The following PPARGC1A variants were observed in gnomAD, a reference collection of about 807,000 sequenced individuals.
PPARGC1A encodes the protein peroxisome proliferator-activated receptor gamma coactivator 1-alpha.
Under a neutral mutation model 88.7 loss-of-function variants are expected in PPARGC1A, and 25 were observed. That is an observed-to-expected ratio of 0.28 (90% CI 0.21 to 0.39). PPARGC1A has a LOEUF of 0.39. Among genes scored for constraint, PPARGC1A ranks in the 10% least tolerant of loss-of-function variants. The probability of loss-of-function intolerance (pLI) is 1.00; values close to 1 mark genes in which losing one functional copy is unlikely to be tolerated. For missense variants in PPARGC1A, 880 were observed against 968.7 expected (o/e 0.91, Z 1.22); for synonymous variants, 363 against 355.6 (o/e 1.02, Z -0.24).
intron 2 of PPARGC1A, among the ~76,000 whole-genome samples, chr4:23,833,405 A>C (rs1725405317): frequency 6.6e-6 from 1 of 152,346 alleles, no homozygotes; most frequent in Admixed American, 6.5e-5. Flanking sequence ...ACCTGCTTCC[A>C]AAATCTTCTT....
the PPARGC1A span, among the ~76,000 whole-genome samples, chr4:24,360,334 C>A: frequency 6.6e-6 from 1 of 152,152 alleles, no homozygotes; most frequent in South Asian, 2.1e-4. Context: ...CACACTATGG[C>A]TACTTTCCCT....
Position 23,802,478 on chromosome 4 carries a change from T to C in PPARGC1A, c.2020-133A>G, listed in dbSNP as rs1187116750. ...GTGGATCATGAGGTCAGGAGTTCAA[T>C]ACCAGCCTGGGCAAGATGGTGAAAC... On this transcript the variant is annotated intron_variant, in intron 10 of 12. Coordinates refer to ENST00000264867, the MANE Select transcript of PPARGC1A (RefSeq NM_013261.5). 4 of 1,110,896 alleles carry C rather than the reference T, an allele frequency of 3.6e-6. No individual in the cohort carries two copies. In the African/African-American group the frequency reaches 6.3e-5, roughly 18 times the overall value. 68.8% of individuals were successfully genotyped at this position (1,110,896 alleles called of 1,614,324 possible). A position where few individuals can be genotyped will look rare whatever the true frequency, so the allele number is the denominator to read the frequency against.
the PPARGC1A span, among the ~76,000 whole-genome samples, chr4:24,298,327 A>G: frequency 6.6e-6 from 1 of 152,176 alleles, no homozygotes; most frequent in South Asian, 2.1e-4. Context: ...TGGATCTGAC[A>G]CTTATTACTA....
intron 1 of PPARGC1A, among the ~76,000 whole-genome samples, chr4:23,896,014 T>C (rs950894289): frequency 2.7e-5 from 4 of 150,720 alleles, no homozygotes; most frequent in Non-Finnish European, 5.9e-5. Context: ...TTATATTTAA[T>C]ATTATCATTA....
the PPARGC1A span, among the ~76,000 whole-genome samples, chr4:24,307,998 G>C: frequency 2.6e-5 from 4 of 152,094 alleles, no homozygotes; most frequent in African/African-American, 9.7e-5. Context: ...GTTTTAAAAA[G>C]AAATCAGATC....
chr4:23,939,021 G>A, the PPARGC1A span, among the ~76,000 whole-genome samples: 1 of 152,168 alleles, frequency 6.6e-6, no homozygotes, highest in Non-Finnish European at 1.5e-5. Context: ...GGGGTCCATG[G>A]TGATGACTGC....
chr4:24,141,451 T>C, the PPARGC1A span, among the ~76,000 whole-genome samples: 2 of 152,128 alleles, frequency 1.3e-5, no homozygotes, highest in African/African-American at 4.8e-5. Flanking sequence ...AGATCTGGGG[T>C]TTATTAACCA....
At chr4:23,887,734 C>A (rs1375006607) in intron 1 of PPARGC1A, among the ~76,000 whole-genome samples, 1 of 151,622 alleles carries the variant, frequency 6.6e-6, no homozygotes, top group Non-Finnish European at 1.5e-5. Flanking sequence ...GTTTTTGTGC[C>A]ATTGATGGTA....
chr4:24,268,507 T>C, the PPARGC1A span, among the ~76,000 whole-genome samples: 3 of 152,338 alleles, frequency 2.0e-5, no homozygotes, highest in African/African-American at 7.2e-5. Flanking sequence ...TGCTCTTATA[T>C]TGGGCACAGA....
At chr4:24,025,097 G>A in the PPARGC1A span, among the ~76,000 whole-genome samples, 1 of 152,096 alleles carries the variant, frequency 6.6e-6, no homozygotes, top group African/African-American at 2.4e-5. Flanking sequence ...TTCTAAACTG[G>A]GAATTTCCTT....
At chr4:23,815,007 G>A (rs768764781) in intron 7 of PPARGC1A, among the ~76,000 whole-genome samples, 35 of 152,066 alleles carry the variant, frequency 2.3e-4, no homozygotes, top group Non-Finnish European at 1.0e-4. Flanking sequence ...GAGGAATCAC[G>A]GAATAGCCTT....
the PPARGC1A span, among the ~76,000 whole-genome samples, chr4:24,209,313 AAGG>A: frequency 6.6e-6 from 1 of 152,208 alleles, no homozygotes; most frequent in Non-Finnish European, 1.5e-5. Flanking sequence ...GGGCATCAGC[AAGG>A]AGGAGGAGAA....
the PPARGC1A span, among the ~76,000 whole-genome samples, chr4:24,300,572 A>C: frequency 6.6e-6 from 1 of 152,008 alleles, no homozygotes; most frequent in Non-Finnish European, 1.5e-5. Flanking sequence ...CTTGTAATTA[A>C]ATTGTAATTA....
At chr4:24,230,847 G>C in the PPARGC1A span, among the ~76,000 whole-genome samples, 1 of 151,756 alleles carries the variant, frequency 6.6e-6, no homozygotes, top group Non-Finnish European at 1.5e-5. Context: ...AGAAAATGGC[G>C]ACTGGAAGTT....
the PPARGC1A span, among the ~76,000 whole-genome samples, chr4:24,426,448 C>A: frequency 6.6e-6 from 1 of 152,296 alleles, no homozygotes; most frequent in Non-Finnish European, 1.5e-5. Context: ...CTTCCCAAAA[C>A]AAAACCCAGT....
chr4:23,983,491 G>A, the PPARGC1A span, among the ~76,000 whole-genome samples: 2 of 152,094 alleles, frequency 1.3e-5, no homozygotes, highest in East Asian at 1.9e-4. Context: ...GTGATTACCT[G>A]AAGTCCAAGT....
the PPARGC1A span, among the ~76,000 whole-genome samples, chr4:23,982,504 A>C: frequency 6.6e-6 from 1 of 152,196 alleles, no homozygotes; most frequent in East Asian, 1.9e-4. Flanking sequence ...TCACATGGCC[A>C]CACTCCACTA....
the PPARGC1A span, among the ~76,000 whole-genome samples, chr4:24,302,981 C>T: frequency 1.1e-4 from 17 of 152,134 alleles, no homozygotes; most frequent in Non-Finnish European, 2.4e-4. Context: ...TCAGTCAAGA[C>T]CAGAGAAGGA....
chr4:23,997,625 C>T, the PPARGC1A span, among the ~76,000 whole-genome samples: 2 of 151,492 alleles, frequency 1.3e-5, no homozygotes, highest in Non-Finnish European at 2.9e-5. Flanking sequence ...GCTCAGCCTC[C>T]CGAGTAGCTG....
Sources: gnomAD v4.1 joint callset for allele counts (sites outside exome capture counted in the v4.1 genomes callset) on GRCh38, gnomAD v4.1.1 for gene constraint, MANE v1.5 for transcripts, NCBI Gene and HGNC (gene_info 2026-07-23, HGNC 2026-07-21) for gene names.